CREB5: variants seen among roughly 807,000 people sequenced by gnomAD.
CREB5 encodes the protein cAMP responsive element binding protein 5, also known as cyclic AMP-responsive element-binding protein 5.
Under a neutral mutation model 57.1 loss-of-function variants are expected in CREB5, and 19 were observed. The observed-to-expected ratio is 0.33, with a 90% confidence interval of 0.23 to 0.49. CREB5 has a LOEUF of 0.49. Among genes scored for constraint, CREB5 ranks in the 20% least tolerant of loss-of-function variants. The probability of loss-of-function intolerance (pLI) is 0.99; values close to 1 mark genes in which losing one functional copy is unlikely to be tolerated. For synonymous variants in CREB5, 238 were observed against 238.3 expected (o/e 1.00, Z 0.01); for missense variants, 579 against 671.6 (o/e 0.86, Z 1.52).
At chr7:28,339,865 A>G (rs1459868392) in intron 1 of CREB5, among the ~76,000 whole-genome samples, 1 of 151,382 alleles carries the variant, frequency 6.6e-6, no homozygotes, top group Admixed American at 6.6e-5. Flanking sequence ...AGTCCTTCCC[A>G]CTCTTCCTTC....
chr7:28,573,623 T>A (rs1162418950), intron 5 of CREB5, among the ~76,000 whole-genome samples: 1 of 152,212 alleles, frequency 6.6e-6, no homozygotes. Flanking sequence ...AACCCCAAGT[T>A]TTCGCTCTTC....
At chr7:28,530,242 G>T (rs1043320559) in intron 4 of CREB5, among the ~76,000 whole-genome samples, 2 of 152,172 alleles carry the variant, frequency 1.3e-5, no homozygotes, top group African/African-American at 4.8e-5. Flanking sequence ...ACCCACATTG[G>T]TTTTCCTCGC....
intron 1 of CREB5, among the ~76,000 whole-genome samples, chr7:28,403,224 G>A (rs1430696336): frequency 6.6e-6 from 1 of 152,152 alleles, no homozygotes; most frequent in Admixed American, 6.5e-5. Flanking sequence ...GCTGGCTTAT[G>A]CTAAGACTCA....
chr7:28,462,171 G>A (rs550562963), intron 1 of CREB5, among the ~76,000 whole-genome samples: 78 of 152,210 alleles, frequency 5.1e-4, no homozygotes, highest in African/African-American at 1.7e-3. Context: ...CACACAACAC[G>A]TGACATTTTG....
At position 28,381,527 on chromosome 7, in the gene CREB5, C is replaced by A. The variant is rs149071061; in HGVS notation, c.-25+82086C>A. 3.3e-5 allele frequency among the ~76,000 whole-genome samples: 5 copies of A among 152,234 alleles called. No homozygotes were observed. In the East Asian group the frequency reaches 5.8e-4, roughly 18 times the overall value. On this transcript the variant is annotated intron_variant, in intron 1 of 9. Transcript: ENST00000396299. ...GGCATAGATCACTAGAAGAATCAGA[C>A]AGAAAAAAGTTTGTTTTCAAATGCA...
intron 1 of CREB5, among the ~76,000 whole-genome samples, chr7:28,328,304 A>C (rs1785647436): frequency 6.6e-6 from 1 of 152,258 alleles, no homozygotes; most frequent in Non-Finnish European, 1.5e-5. Flanking sequence ...ATAGTTGGCC[A>C]CAAGAAAGAA....
At chr7:28,501,933 C>T (rs958736372) in intron 3 of CREB5, among the ~76,000 whole-genome samples, 1 of 152,144 alleles carries the variant, frequency 6.6e-6, no homozygotes, top group Non-Finnish European at 1.5e-5. Flanking sequence ...AGCATCTAGT[C>T]CCACAGTTGT....
intron 5 of CREB5, chr7:28,686,276 T>C: frequency 9.7e-7 from 1 of 1,027,474 alleles, no homozygotes; most frequent in South Asian, 1.3e-5. Context: ...TTTTGAGCCT[T>C]CGTCCTCCTC....
chr7:28,394,070 CAAAAAAAAAAAAAAAAAA>C (rs56166148), intron 1 of CREB5, among the ~76,000 whole-genome samples: 34 of 52,996 alleles, frequency 6.4e-4, no homozygotes, highest in Non-Finnish European at 9.3e-4. Flanking sequence ...GACTCTGTCT[CAAAAAAAAAAAAAAAAAA>C]AAAAAAAAAA....
intron 1 of CREB5, among the ~76,000 whole-genome samples, chr7:28,452,357 A>G (rs1422673698): frequency 2.0e-5 from 3 of 152,238 alleles, no homozygotes; most frequent in African/African-American, 2.4e-5. Context: ...ACAATTTGCA[A>G]TGAATTTTAT....
chr7:28,756,200 G>C (rs920790494), intron 7 of CREB5, among the ~76,000 whole-genome samples: 4 of 152,118 alleles, frequency 2.6e-5, no homozygotes, highest in African/African-American at 9.6e-5. Context: ...TGGAAGTGTC[G>C]AGGAAGGCAA....
rs138975146 is a variant in CREB5 at position 28,560,670 on chromosome 7, A to G, written c.292-9695A>G. Among the ~76,000 whole-genome samples, 19 of 152,034 alleles carry G rather than the reference A, an allele frequency of 1.2e-4. No individual in the cohort carries two copies. In the East Asian group the frequency reaches 3.1e-3, roughly 25 times the overall value. On this transcript the variant is annotated intron_variant, in intron 4 of 10. Coordinates refer to ENST00000357727, the MANE Select transcript of CREB5 (RefSeq NM_182898.4). ...CATGAAGACAAAATCGACAGACTGG[A>G]GAAGTTCAGCAGGATCATGTGTTTA...
chr7:28,762,212 C>T (rs1805700554), intron 7 of CREB5, among the ~76,000 whole-genome samples: 3 of 151,990 alleles, frequency 2.0e-5, no homozygotes, highest in Admixed American at 6.6e-5. Flanking sequence ...CAATTTGGGT[C>T]GATGAACTTC....
intron 2 of CREB5, among the ~76,000 whole-genome samples, chr7:28,489,385 C>T (rs768193637): frequency 1.4e-5 from 2 of 147,670 alleles, no homozygotes; most frequent in African/African-American, 5.0e-5. Flanking sequence ...CTGCAAGCTC[C>T]GCCTCCCGGG....
chr7:28,425,050 T>A (rs1562707757), intron 1 of CREB5, among the ~76,000 whole-genome samples: 1 of 152,180 alleles, frequency 6.6e-6, no homozygotes, highest in African/African-American at 2.4e-5. Context: ...GTAAATTCAA[T>A]GTCTTGGGGG....
chr7:28,344,300 T>C (rs998959448), intron 1 of CREB5, among the ~76,000 whole-genome samples: 1 of 152,214 alleles, frequency 6.6e-6, no homozygotes, highest in African/African-American at 2.4e-5. Context: ...TTTAACACTT[T>C]AATCCATTTT....
rs1234618944 is a variant in CREB5, at chr7:28,560,850, GTGTGTGTGCGTGTGCC to G, written c.292-9512_292-9497del. Among the ~76,000 whole-genome samples the G allele has an allele frequency of 7.6e-5, 7 of 92,016 alleles. No homozygotes were observed. The South Asian group carries it at 1.7e-3, about 23-fold the overall frequency. 60.4% of individuals were successfully genotyped at this position (92,016 alleles called of 152,430 possible). ...CGCGCGCGCGTGTGTGTGTGCGCGT[GTGTGTGTGCGTGTGCC>G]TGCGTGCGCGTGCGTGCGTGCGTGT... On this transcript the variant is annotated intron_variant, in intron 4 of 10. Coordinates refer to ENST00000357727, the MANE Select transcript of CREB5 (RefSeq NM_182898.4).
chr7:28,622,771 A>G (rs1046414038), intron 5 of CREB5, among the ~76,000 whole-genome samples: 1 of 152,150 alleles, frequency 6.6e-6, no homozygotes, highest in African/African-American at 2.4e-5. Flanking sequence ...CTGTAATCCT[A>G]GAACTTTGGG....
At chr7:28,325,194 C>T (rs1051959634) in intron 1 of CREB5, among the ~76,000 whole-genome samples, 4 of 152,210 alleles carry the variant, frequency 2.6e-5, no homozygotes, top group African/African-American at 7.2e-5. Flanking sequence ...CAGTGGCTCA[C>T]GCCTATAATC....
Sources: gnomAD v4.1 joint callset for allele counts (sites outside exome capture counted in the v4.1 genomes callset) on GRCh38, gnomAD v4.1.1 for gene constraint, MANE v1.5 for transcripts, NCBI Gene and HGNC (gene_info 2026-07-23, HGNC 2026-07-21) for gene names.